HDAC6: variants seen among roughly 807,000 people sequenced by gnomAD.
HDAC6 encodes protein deacetylase HDAC6.
A neutral mutation model predicts 88.9 loss-of-function variants in HDAC6; 5 were observed. The observed-to-expected ratio is 0.06, with a 90% CI of 0.03 to 0.12. The LOEUF (loss-of-function observed/expected upper bound fraction) is 0.12, where lower values mean the gene tolerates loss of function less well. Ranked by LOEUF, HDAC6 falls within the 10% of genes least tolerant of loss-of-function variation. HDAC6 has a pLI of 1.00. For missense variants in HDAC6, 706 were observed against 1,014.4 expected (o/e 0.70, Z 4.13); for synonymous variants, 378 against 398.0 (o/e 0.95, Z 0.60).
At chrX:48,809,042 A>G (rs1267750558) in intron 10 of HDAC6, among the ~76,000 whole-genome samples, 4 of 112,433 alleles carry the variant, frequency 3.6e-5, no homozygotes, top group Non-Finnish European at 7.5e-5. Flanking sequence ...GTAGTATTCA[A>G]TTTTATGACT....
Position 48,822,703 on chromosome X carries a change from C to G in HDAC6, c.2421C>G (p.Thr807=). The part of the protein sequence containing the change: ...SLLGDPPPLL[T]LPRPPLSGAL... ...TTGGAGACCCACCACCCCTGCTGAC[C>G]CTGCCACGGCCCCCACTATCAGGGG... The change falls in exon 24 of 29, where the codon ACC becomes ACG. Residue 807 remains threonine, a synonymous_variant. Coordinates refer to ENST00000334136, the MANE Select transcript of HDAC6 (RefSeq NM_006044.4). 8.3e-7 allele frequency: 1 copy of G among 1,209,973 alleles called. No homozygotes were observed. Among genetic ancestry groups the G allele is most frequent in the Non-Finnish European group, 1.1e-6 (1 of 894,013 alleles).
At chrX:48,814,202 A>T (rs2147358710) in intron 10 of HDAC6, 1 of 402,525 alleles carries the variant, frequency 2.5e-6, no homozygotes, top group Admixed American at 4.4e-5. Flanking sequence ...TAATGGATAA[A>T]TAAAGATAAG....
chrX:48,812,916 C>CT (rs1239358788), intron 10 of HDAC6, among the ~76,000 whole-genome samples: 23 of 109,073 alleles, frequency 2.1e-4, no homozygotes, highest in Admixed American at 6.8e-4. Context: ...CTTTTCCTTT[C>CT]TTTTTTTTTG....
In HDAC6 at chrX:48,816,682, AAGAG is replaced by A. The variant is rs781943192; in HGVS notation, c.1791+52_1791+55del. The A allele has an allele frequency of 8.1e-6, 9 of 1,114,065 alleles. No individual in the cohort carries two copies. The African/African-American group carries it at 1.5e-4, about 19-fold the overall frequency. The allele number at this position is 1,114,065 out of a possible 1,213,427, so 91.8% of individuals were successfully genotyped here. A position where few individuals can be genotyped will look rare whatever the true frequency, so the allele number is the denominator to read the frequency against. On this transcript the variant is annotated intron_variant, in intron 19 of 28. Coordinates refer to ENST00000334136, the MANE Select transcript of HDAC6 (RefSeq NM_006044.4). ...GAGGAGGACCTGGGGGGAATGGAAA[AAGAG>A]AGCCATCTGCTGTTTCTGGAGGCTC...
At chrX:48,814,226 T>G in intron 10 of HDAC6, 1 of 419,906 alleles carries the variant, frequency 2.4e-6, no homozygotes, top group Non-Finnish European at 4.1e-6. Context: ...GAAAAAATGG[T>G]AAGATGATTA....
rs782140204 is a variant in HDAC6, at chrX:48,822,934, C to T, written c.2535C>T (p.Pro845=). 3.4e-6 allele frequency: 4 copies of T among 1,192,337 alleles called. No homozygotes were observed. The highest frequency in any genetic ancestry group is 3.0e-5 in the East Asian group (1 of 33,645). Residue 845 remains proline, a synonymous_variant, in exon 25 of 29, where the codon CCC becomes CCT. Coordinates refer to ENST00000334136, the MANE Select transcript of HDAC6 (RefSeq NM_006044.4). ...CAGAGGTAGAAGACAGAGAAGGACCCTCCAGTTCTAAGTTGGTCACCAAGA... is the reference window on the plus strand; with the variant it reads ...CAGAGGTAGAAGACAGAGAAGGACCTTCCAGTTCTAAGTTGGTCACCAAGA... ...RVMKVEDREG[P]SSSKLVTKKA...
At chrX:48,812,672 A>G (rs986177434) in intron 10 of HDAC6, among the ~76,000 whole-genome samples, 10 of 111,956 alleles carry the variant, frequency 8.9e-5, no homozygotes, top group African/African-American at 3.3e-4. Flanking sequence ...TTTGTTTACA[A>G]TTTCTTTACT....
At position 48,815,751 on chromosome X, in the gene HDAC6, T is replaced by A. The variant is rs1465783724; in HGVS notation, c.1324+109T>A. 3 of 996,498 alleles carry A rather than the reference T, an allele frequency of 3.0e-6. No individual in the cohort carries two copies. In the East Asian group the frequency reaches 9.3e-5, roughly 31 times the overall value. 82.1% of individuals were successfully genotyped at this position (996,498 alleles called of 1,213,427 possible). On this transcript the variant is annotated intron_variant, in intron 16 of 28. Transcript: ENST00000334136. ...ACTGGGCTGCCTTGGTGGGAGAGGG[T>A]CAGGCCCTCTCTCTCTCCCTGGGCC...
At chrX:48,808,012 T>A (rs1602243455) in intron 8 of HDAC6, 21 bp from the exon 9 acceptor site, 1 of 1,122,612 alleles carries the variant, frequency 8.9e-7, no homozygotes, top group East Asian at 3.1e-5. Flanking sequence ...CTCCAAGCTG[T>A]TATTTCCTTG....
At chrX:48,819,670 C>T (rs1434995635) in intron 22 of HDAC6, 28 of 243,654 alleles carry the variant, frequency 1.1e-4, no homozygotes, top group Non-Finnish European at 2.0e-4. Flanking sequence ...CAGCCTCCTG[C>T]GTAGCTGGGA....
At position 48,808,303 on chromosome X, in the gene HDAC6, G is replaced by T; in HGVS notation, c.783G>T (p.Gln261His). The change falls in exon 10 of 29, where the codon CAG (glutamine) becomes CAT (histidine). Residue 261 changes from glutamine to histidine, a missense_variant. Physicochemically the swap from Gln to His is conservative, Grantham distance 24. This residue lies in a region of HDAC6 where 193 missense variants were observed against 258.2 expected (regional missense o/e 0.75). Transcript: ENST00000334136. ...ATGTGCACCACGGTCAAGGAACACA[G>T]TTCACCTTCGACCAGGACCCCAGGT... The part of the protein sequence containing the change: ...DWDVHHGQGT[Q>H]FTFDQDPSVL... 2 of 1,205,269 alleles carry T rather than the reference G, an allele frequency of 1.7e-6. No homozygotes were observed. Among genetic ancestry groups the T allele is most frequent in the Non-Finnish European group, 2.2e-6 (2 of 891,451 alleles).
chrX:48,818,491 G>A, intron 22 of HDAC6, 79 bp downstream of exon 22: 1 of 837,397 alleles, frequency 1.2e-6, no homozygotes, highest in Non-Finnish European at 1.7e-6. Context: ...CTTGGCATGT[G>A]TGTGTGTGAC....
intron 20 of HDAC6, 70 bp from the exon 21 acceptor site, chrX:48,817,971 C>T (rs1228747365): frequency 9.9e-7 from 1 of 1,013,465 alleles, no homozygotes; most frequent in African/African-American, 1.9e-5. Context: ...CTGCAGACCC[C>T]AGGGGTCTAG....
intron 21 of HDAC6, 24 bp from the exon 22 acceptor site, chrX:48,818,196 C>G (rs782539721): frequency 1.7e-6 from 2 of 1,172,590 alleles, no homozygotes; most frequent in Admixed American, 2.5e-5. Flanking sequence ...AGCCATGGTC[C>G]GCTTCCCACC....
upstream of HDAC6, chrX:48,801,864 G>C (rs1402324546): frequency 1.0e-6 from 1 of 971,179 alleles, no homozygotes; most frequent in Non-Finnish European, 1.3e-6. Flanking sequence ...GAGCGCTCGC[G>C]TCCCCACAGG....
intron 5 of HDAC6, 25 bp from the exon 6 acceptor site, chrX:48,805,606 C>T (rs782420490): frequency 2.5e-6 from 3 of 1,185,218 alleles, no homozygotes; most frequent in African/African-American, 3.5e-5. Context: ...CCCTTTACCC[C>T]ACTTTATTCC....
At chrX:48,816,095 T>C (rs782063655) in intron 17 of HDAC6, 43 bp downstream of exon 17, 1 of 1,206,383 alleles carries the variant, frequency 8.3e-7, no homozygotes, top group South Asian at 1.8e-5. Flanking sequence ...TGGGGGTCCC[T>C]CCCCCTCAGG....
Position 48,824,000 on chromosome X carries a change from G to A in HDAC6, c.3382G>A (p.Asp1128Asn). 1 of 1,211,795 alleles carries A rather than the reference G, an allele frequency of 8.3e-7. No individual in the cohort carries two copies. The highest frequency in any genetic ancestry group is 1.1e-6 in the Non-Finnish European group (1 of 895,400). Residue 1128 changes from aspartate to asparagine, a missense_variant, in exon 27 of 29, where the codon GAC becomes AAC. Asp to Asn is a conservative substitution (Grantham distance 23). This residue lies in a region of HDAC6 where 112 missense variants were observed against 95.1 expected (regional missense o/e 1.18). Coordinates refer to ENST00000334136, the MANE Select transcript of HDAC6 (RefSeq NM_006044.4). ...AVCPIPAAGLDVTQPCGDCGT... is the reference protein window; with the variant it reads ...AVCPIPAAGLNVTQPCGDCGT... Reference sequence around the variant, plus strand: ...ATGCCCCATACCTGCAGCAGGCCTAGACGTGACCCAACCTTGTGGGGACTG... The same window carrying A: ...ATGCCCCATACCTGCAGCAGGCCTAAACGTGACCCAACCTTGTGGGGACTG...
At chrX:48,801,631 G>T, upstream of HDAC6, 1 of 245,255 alleles carries the variant, frequency 4.1e-6, no homozygotes, top group Non-Finnish European at 7.5e-6. Context: ...TTACGTAGGC[G>T]CAGCACAGCT....
Sources: allele counts gnomAD v4.1 joint callset (sites outside exome capture counted in the v4.1 genomes callset), GRCh38; gene constraint gnomAD v4.1.1; regional missense constraint gnomAD v4.1.1; transcripts MANE v1.5; gene names NCBI Gene and HGNC (gene_info 2026-07-23, HGNC 2026-07-21).